PSTPIP2: variants seen among roughly 807,000 people sequenced by gnomAD.
PSTPIP2 encodes proline-serine-threonine phosphatase interacting protein 2.
A neutral mutation model predicts 63.3 loss-of-function variants in PSTPIP2; 33 were observed. The observed-to-expected ratio is 0.52, with a 90% confidence interval of 0.40 to 0.70. The LOEUF (loss-of-function observed/expected upper bound fraction) is 0.70. PSTPIP2 is among the 30% of genes least tolerant of loss of function. The pLI, the probability that PSTPIP2 is intolerant of heterozygous loss-of-function variation, is 0.00. For missense variants in PSTPIP2, 312 were observed against 400.7 expected, an observed-to-expected ratio of 0.78 and a Z score of 1.89; for synonymous variants, 125 against 132.7, an observed-to-expected ratio of 0.94 and a Z score of 0.40.
At chr18:46,032,938 G>T (rs555791890) in intron 2 of PSTPIP2, among the ~76,000 whole-genome samples, 1 of 152,232 alleles carries the variant, frequency 6.6e-6, no homozygotes, top group African/African-American at 2.4e-5. Flanking sequence ...AAATCCTTTT[G>T]CCATAAAACC....
chr18:46,034,096 C>G (rs1870964268), intron 2 of PSTPIP2, among the ~76,000 whole-genome samples: 1 of 152,122 alleles, frequency 6.6e-6, no homozygotes, highest in African/African-American at 2.4e-5. Flanking sequence ...TGAGACATAG[C>G]CGACCACAGT....
At chr18:46,042,418 C>A in intron 1 of PSTPIP2, among the ~76,000 whole-genome samples, 1 of 152,080 alleles carries the variant, frequency 6.6e-6, no homozygotes, top group South Asian at 2.1e-4. Context: ...TCTGAGTAGC[C>A]CCAATTCTCC....
At chr18:46,051,056 T>C (rs1908565355) in intron 1 of PSTPIP2, among the ~76,000 whole-genome samples, 1 of 152,016 alleles carries the variant, frequency 6.6e-6, no homozygotes, top group Non-Finnish European at 1.5e-5. Flanking sequence ...TAGAGACAGG[T>C]TTTCACTATG....
chr18:46,064,282 C>CTTTTTTTTTTTTTTTTTTTTTT (rs56236802), intron 1 of PSTPIP2, among the ~76,000 whole-genome samples: 4 of 71,526 alleles, frequency 5.6e-5, no homozygotes, highest in Admixed American at 1.9e-4. Flanking sequence ...CTTTTTCTTT[C>CTTTTTTTTTTTTTTTTTTTTTT]TTTTTTTTTT....
intron 9 of PSTPIP2, among the ~76,000 whole-genome samples, chr18:45,994,242 C>T (rs377379178): frequency 1.3e-5 from 2 of 152,082 alleles, no homozygotes; most frequent in South Asian, 2.1e-4. Flanking sequence ...ACAAATATCA[C>T]CTTTAAAAAA....
At chr18:46,009,028 C>T (rs917185286) in intron 5 of PSTPIP2, among the ~76,000 whole-genome samples, 4 of 152,082 alleles carry the variant, frequency 2.6e-5, no homozygotes, top group South Asian at 2.1e-4. Flanking sequence ...TTCCTCCCCC[C>T]CATCATGTAA....
intron 2 of PSTPIP2, among the ~76,000 whole-genome samples, chr18:46,036,304 C>T (rs1907978621): frequency 6.6e-6 from 1 of 150,474 alleles, no homozygotes; most frequent in South Asian, 2.1e-4. Flanking sequence ...TTAGTTGTTA[C>T]AATAACTGTT....
At chr18:46,007,452 G>A (rs1300886031) in intron 5 of PSTPIP2, among the ~76,000 whole-genome samples, 1 of 152,196 alleles carries the variant, frequency 6.6e-6, no homozygotes, top group Non-Finnish European at 1.5e-5. Context: ...AAAGACACAC[G>A]GCAGATCCCT....
chr18:45,998,464 G>A (rs921045526), intron 8 of PSTPIP2, among the ~76,000 whole-genome samples: 6 of 152,096 alleles, frequency 3.9e-5, no homozygotes, highest in Admixed American at 3.3e-4. Context: ...TTGCAAAGCC[G>A]CTACCACATG....
chr18:46,041,434 G>C (rs1196124714), intron 1 of PSTPIP2, among the ~76,000 whole-genome samples: 1 of 152,068 alleles, frequency 6.6e-6, no homozygotes, highest in Non-Finnish European at 1.5e-5. Flanking sequence ...TTTAGTAAAG[G>C]TGAGGGTCTC....
chr18:46,017,237 G>C (rs1192244184), intron 3 of PSTPIP2, among the ~76,000 whole-genome samples: 1 of 152,050 alleles, frequency 6.6e-6, no homozygotes, highest in East Asian at 1.9e-4. Context: ...GCAGTCTCTG[G>C]CTTCATCATT....
At chr18:46,028,539 G>C in intron 2 of PSTPIP2, 1 of 677,896 alleles carries the variant, frequency 1.5e-6, no homozygotes, top group Non-Finnish European at 2.7e-6. Flanking sequence ...GCGTCTGCGG[G>C]GTCCGTGGGT....
intron 1 of PSTPIP2, among the ~76,000 whole-genome samples, chr18:46,056,674 G>T (rs888089936): frequency 3.3e-5 from 5 of 152,146 alleles, no homozygotes; most frequent in African/African-American, 1.2e-4. Flanking sequence ...CTGCAGTGAG[G>T]TATGGTTGCA....
chr18:46,028,275 C>G (rs1197069145), intron 2 of PSTPIP2: 1 of 442,262 alleles, frequency 2.3e-6, no homozygotes, highest in South Asian at 1.9e-5. Context: ...ACAGTAGAAC[C>G]GCAGCGAAGC....
At chr18:46,000,942 CTAAGA>C (rs1301867680) in intron 6 of PSTPIP2, among the ~76,000 whole-genome samples, 1 of 152,084 alleles carries the variant, frequency 6.6e-6, no homozygotes, top group Non-Finnish European at 1.5e-5. Flanking sequence ...GAATGGTTGA[CTAAGA>C]TAAATAAAGA....
chr18:46,005,246 A>G (rs185723174), intron 6 of PSTPIP2, among the ~76,000 whole-genome samples: 148 of 152,314 alleles, frequency 9.7e-4, no homozygotes, highest in Middle Eastern at 6.8e-3. Context: ...AGCAGAAAAG[A>G]TAACTATTGG....
chr18:46,042,356 T>G (rs1305951531), intron 1 of PSTPIP2, among the ~76,000 whole-genome samples: 2 of 152,028 alleles, frequency 1.3e-5, no homozygotes, highest in Non-Finnish European at 2.9e-5. Flanking sequence ...AACATTATCC[T>G]CTCCTGAATC....
intron 1 of PSTPIP2, among the ~76,000 whole-genome samples, chr18:46,047,468 G>A (rs767066069): frequency 6.6e-6 from 1 of 152,118 alleles, no homozygotes; most frequent in Non-Finnish European, 1.5e-5. Flanking sequence ...CAGGAGTGCT[G>A]TAGCCTGTAG....
At chr18:46,017,662 A>G (rs1227944286) in intron 3 of PSTPIP2, among the ~76,000 whole-genome samples, 1 of 152,032 alleles carries the variant, frequency 6.6e-6, no homozygotes, top group Non-Finnish European at 1.5e-5. Context: ...AAAATTGTAT[A>G]TATTTATCAT....
Sources: allele counts gnomAD v4.1 joint callset (sites outside exome capture counted in the v4.1 genomes callset), GRCh38; gene constraint gnomAD v4.1.1; transcripts MANE v1.5; gene names NCBI Gene and HGNC (gene_info 2026-07-23, HGNC 2026-07-21).